The following NCOA1 variants were observed in gnomAD, a reference collection of about 807,000 sequenced individuals.
The protein encoded by NCOA1 is Hin-2 protein.
In NCOA1, 35 loss-of-function variants were observed where a neutral mutation model predicts 150.9. The observed-to-expected ratio is 0.23, with a 90% CI of 0.18 to 0.31. The LOEUF (loss-of-function observed/expected upper bound fraction) is 0.31. Ranked by LOEUF, NCOA1 falls within the 10% of genes least tolerant of loss-of-function variation. The probability of loss-of-function intolerance (pLI) is 1.00; values close to 1 mark genes in which losing one functional copy is unlikely to be tolerated. For missense variants in NCOA1, 1,491 were observed against 1,749.3 expected (o/e 0.85, Z 2.63); for synonymous variants, 590 against 630.0 (o/e 0.94, Z 0.95).
intron 19 of NCOA1, among the ~76,000 whole-genome samples, chr2:24,745,525 T>A (rs1663872433): frequency 6.6e-6 from 1 of 152,194 alleles, no homozygotes; most frequent in Non-Finnish European, 1.5e-5. Context: ...CTTTAGTGTA[T>A]CTGCCCACTT....
chr2:24,545,299 G>A (rs115661251), intron 1 of NCOA1, among the ~76,000 whole-genome samples: 1,987 of 152,254 alleles, frequency 0.013, 21 homozygotes, highest in Non-Finnish European at 0.018. Context: ...AGGACAGGGG[G>A]TTGGTAAAGG....
At chr2:24,580,893 T>A (rs1193121586) in intron 2 of NCOA1, among the ~76,000 whole-genome samples, 2 of 152,212 alleles carry the variant, frequency 1.3e-5, no homozygotes, top group Non-Finnish European at 2.9e-5. Context: ...ATGCTGACAC[T>A]CTGGGTCTTA....
chr2:24,621,195 T>C (rs932521796), intron 3 of NCOA1, among the ~76,000 whole-genome samples: 3 of 152,128 alleles, frequency 2.0e-5, no homozygotes, highest in African/African-American at 4.8e-5. Flanking sequence ...TCCTGGAATA[T>C]GGCATGTGAA....
chr2:24,591,540 A>G (rs2148334794), intron 3 of NCOA1, among the ~76,000 whole-genome samples: 1 of 152,328 alleles, frequency 6.6e-6, no homozygotes, highest in South Asian at 2.1e-4. Context: ...AATATCTGCC[A>G]TCTGTAGCTT....
intron 1 of NCOA1, among the ~76,000 whole-genome samples, chr2:24,513,700 T>G (rs1236591805): frequency 6.6e-6 from 1 of 152,234 alleles, no homozygotes; most frequent in Non-Finnish European, 1.5e-5. Flanking sequence ...CATTATTTAA[T>G]AAAATATACC....
intron 19 of NCOA1, among the ~76,000 whole-genome samples, chr2:24,745,018 A>G (rs1663819018): frequency 6.6e-6 from 1 of 152,210 alleles, no homozygotes; most frequent in African/African-American, 2.4e-5. Flanking sequence ...CCCAAAGTAA[A>G]TGAAGGAACA....
chr2:24,763,695 A>G (rs12998698), intron 22 of NCOA1, among the ~76,000 whole-genome samples: 62,182 of 131,180 alleles, frequency 0.47, 15,691 homozygotes, highest in Admixed American at 0.65. Flanking sequence ...ATCTTGGCTC[A>G]CTGCAACCTG....
intron 8 of NCOA1, among the ~76,000 whole-genome samples, chr2:24,687,299 T>C (rs1672450267): frequency 1.3e-5 from 2 of 152,158 alleles, no homozygotes; most frequent in African/African-American, 4.8e-5. Flanking sequence ...CTGTCCCTGA[T>C]AACCGAATAG....
intron 3 of NCOA1, among the ~76,000 whole-genome samples, chr2:24,610,029 T>C (rs1161612492): frequency 1.3e-5 from 2 of 152,092 alleles, no homozygotes; most frequent in Admixed American, 6.5e-5. Context: ...GATCAGGGAA[T>C]GTAGTCTTTC....
At chr2:24,710,870 C>G in intron 13 of NCOA1, 61 bp from the exon 14 acceptor site, 1 of 1,503,012 alleles carries the variant, frequency 6.7e-7, no homozygotes, top group East Asian at 2.3e-5. Flanking sequence ...GCATTTTTTT[C>G]TACGTTGTTT....
chr2:24,629,123 G>T (rs1669560398), intron 3 of NCOA1, among the ~76,000 whole-genome samples: 1 of 147,632 alleles, frequency 6.8e-6, no homozygotes, highest in Non-Finnish European at 1.5e-5. Flanking sequence ...GAGAAGGGAG[G>T]AATTTAGTTT....
chr2:24,534,721 A>T (rs57357594), intron 1 of NCOA1, among the ~76,000 whole-genome samples: 28,444 of 152,184 alleles, frequency 0.19, 2,840 homozygotes, highest in Non-Finnish European at 0.23. Flanking sequence ...GTAGTCATTC[A>T]GGAGCAGTTT....
At chr2:24,678,970 A>G (rs1258354718) in intron 7 of NCOA1, among the ~76,000 whole-genome samples, 1 of 152,076 alleles carries the variant, frequency 6.6e-6, no homozygotes, top group African/African-American at 2.4e-5. Flanking sequence ...CTATGTACTG[A>G]ATGGTATTGC....
At chr2:24,697,577 T>C (rs1672960285) in intron 10 of NCOA1, 81 bp from the exon 11 acceptor site, 3 of 1,221,454 alleles carry the variant, frequency 2.5e-6, no homozygotes, top group African/African-American at 1.5e-5. Flanking sequence ...GAATATTTCT[T>C]AGATGCAGTT....
At chr2:24,642,594 C>G (rs1309068075) in intron 3 of NCOA1, among the ~76,000 whole-genome samples, 2 of 152,050 alleles carry the variant, frequency 1.3e-5, no homozygotes, top group Non-Finnish European at 2.9e-5. Flanking sequence ...GGCTGGTAAA[C>G]ATACACTTAA....
At chr2:24,570,093 A>G (rs896451618) in intron 2 of NCOA1, among the ~76,000 whole-genome samples, 10 of 149,168 alleles carry the variant, frequency 6.7e-5, no homozygotes, top group South Asian at 2.1e-4. Flanking sequence ...GAATGCTGAA[A>G]TTAAAAATCA....
intron 3 of NCOA1, among the ~76,000 whole-genome samples, chr2:24,630,863 A>C (rs991394994): frequency 1.3e-5 from 2 of 152,226 alleles, no homozygotes; most frequent in Non-Finnish European, 2.9e-5. Flanking sequence ...AAACAACTTT[A>C]TTGTAAAGTC....
chr2:24,641,232 T>G (rs1221879352), intron 3 of NCOA1, among the ~76,000 whole-genome samples: 1 of 151,492 alleles, frequency 6.6e-6, no homozygotes, highest in Non-Finnish European at 1.5e-5. Context: ...AACAGTGTAA[T>G]TGCATTTATA....
At chr2:24,516,977 C>CATATACGTATATATACGTGAAT in intron 1 of NCOA1, among the ~76,000 whole-genome samples, 1 of 58,998 alleles carries the variant, frequency 1.7e-5, no homozygotes, top group East Asian at 5.9e-4. Flanking sequence ...TATATATACA[C>CATATACGTATATATACGTGAAT]ATATACGTAT....
Sources: allele counts gnomAD v4.1 joint callset (sites outside exome capture counted in the v4.1 genomes callset), GRCh38; gene constraint gnomAD v4.1.1; transcripts MANE v1.5; gene names NCBI Gene and HGNC (gene_info 2026-07-23, HGNC 2026-07-21).